SELENOI: variants seen among roughly 807,000 people sequenced by gnomAD.
SELENOI encodes selenoprotein I.
In SELENOI, 24 loss-of-function variants were observed where a neutral mutation model predicts 50.7. The observed-to-expected ratio is 0.47, with a 90% CI of 0.34 to 0.67. The LOEUF (loss-of-function observed/expected upper bound fraction) is 0.67. Among genes scored for constraint, SELENOI ranks in the 30% least tolerant of loss-of-function variants. The pLI is 0.01. For synonymous variants in SELENOI, 155 were observed against 170.2 expected, an observed-to-expected ratio of 0.91 and a Z score of 0.70; for missense variants, 352 against 461.4, an observed-to-expected ratio of 0.76 and a Z score of 2.17.
At position 26,386,545 on chromosome 2, in the gene SELENOI, T is replaced by C; in HGVS notation, c.1095+9T>C. 6.4e-7 allele frequency: 1 copy of C among 1,560,238 alleles called. No individual in the cohort carries two copies. Among genetic ancestry groups the C allele is most frequent in the Non-Finnish European group, 8.7e-7 (1 of 1,152,534 alleles). ...ATTATGGAGTACGAGTGGTGAGTAA[T>C]CTACAGCAAAATGGGTTCAATTTGG... On this transcript the variant is annotated intron_variant, in intron 9 of 9. Coordinates refer to ENST00000260585, the MANE Select transcript of SELENOI (RefSeq NM_033505.4).
chr2:26,364,217 T>C (rs1475879536), intron 1 of SELENOI, 85 bp from the exon 2 acceptor site: 1 of 1,000,450 alleles, frequency 1.0e-6, no homozygotes, highest in Non-Finnish European at 1.5e-6. Context: ...CGCCTGGCTT[T>C]ACTATTATTT....
chr2:26,352,856 A>AC (rs1273886173), intron 1 of SELENOI, among the ~76,000 whole-genome samples: 7 of 151,926 alleles, frequency 4.6e-5, no homozygotes, highest in South Asian at 2.1e-4. Flanking sequence ...AAAAAAAAAA[A>AC]AAACCAGAAT....
Position 26,386,372 on chromosome 2 carries a change from C to G in SELENOI, c.931C>G (p.Gln311Glu). 10 of 1,609,980 alleles carry G rather than the reference C, an allele frequency of 6.2e-6. No individual in the cohort carries two copies. Among genetic ancestry groups the G allele is most frequent in the Non-Finnish European group, 8.5e-6 (10 of 1,178,672 alleles). ...CGTCCAGTGTCAGCTGATTGTTTGC[C>G]AAATGAGTAGTACCCGGTGTCCAAC... Reference protein sequence around the residue: ...ANSTCQLIVCQMSSTRCPTLN... With the variant: ...ANSTCQLIVCEMSSTRCPTLN... Residue 311 changes from glutamine to glutamate, a missense_variant, in exon 9 of 10, where the codon CAA (glutamine) becomes GAA (glutamate). Coordinates refer to ENST00000260585, the MANE Select transcript of SELENOI (RefSeq NM_033505.4).
At position 26,391,029 on chromosome 2, in the gene SELENOI, T is replaced by C. The variant is rs1677953818; in HGVS notation, c.*1926T>C. 6.6e-6 allele frequency: 1 copy of C among 152,134 alleles called. No homozygotes were observed. The highest frequency in any genetic ancestry group is 2.4e-5 in the African/African-American group (1 of 41,416). 9.4% of individuals were successfully genotyped at this position (152,134 alleles called of 1,614,324 possible). A position where few individuals can be genotyped will look rare whatever the true frequency, so the allele number is the denominator to read the frequency against. ...AAAATGACAAACTTGGACCACAGGC[T>C]TTCTTGACCTTGTACAGTATAGTAA... On this transcript the variant is annotated 3_prime_UTR_variant, in exon 10 of 10. Transcript: ENST00000260585.
intron 4 of SELENOI, among the ~76,000 whole-genome samples, chr2:26,368,076 C>G (rs1677327998): frequency 6.6e-6 from 1 of 152,158 alleles, no homozygotes; most frequent in South Asian, 2.1e-4. Flanking sequence ...ATAGCAGACC[C>G]TGACTTCAAG....
In SELENOI at chr2:26,386,412, T is replaced by C; in HGVS notation, c.971T>C (p.Leu324Pro). Residue 324 changes from leucine (L) to proline (P), a missense_variant, in exon 9 of 10, where the codon CTG becomes CCG. Physicochemically the swap from Leu to Pro is moderately conservative, Grantham distance 98. Coordinates refer to ENST00000260585, the MANE Select transcript of SELENOI (RefSeq NM_033505.4). ...CGGTGTCCAACTTTGAATTGGTTGC[T>C]GGTTCCTCTCTTCTTGGTTGTCTTA... ...STRCPTLNWL[L>P]VPLFLVVLVV... The C allele has an allele frequency of 1.2e-6, 2 of 1,614,028 alleles. No individual in the cohort carries two copies. The highest frequency in any genetic ancestry group is 1.7e-6 in the Non-Finnish European group (2 of 1,179,890).
At position 26,364,857 on chromosome 2, in the gene SELENOI, A is replaced by C; in HGVS notation, c.152A>C (p.Asn51Thr). Reference protein sequence around the residue: ...VKVFPTWLAPNLITFSGFLLV... With the variant: ...VKVFPTWLAPTLITFSGFLLV... ...GTATTTCCTACTTGGCTGGCGCCCAATCTGATAACTTTTTCTGGCTTTCTG... is the reference window on the plus strand; with the variant it reads ...GTATTTCCTACTTGGCTGGCGCCCACTCTGATAACTTTTTCTGGCTTTCTG... The change falls in exon 3 of 10, where the codon AAT becomes ACT. Residue 51 changes from asparagine (N) to threonine (T), a missense_variant. Coordinates refer to ENST00000260585, the MANE Select transcript of SELENOI (RefSeq NM_033505.4). The C allele has an allele frequency of 6.2e-7, 1 of 1,609,930 alleles. No homozygotes were observed. Among genetic ancestry groups the C allele is most frequent in the Non-Finnish European group, 8.5e-7 (1 of 1,178,340 alleles).
chr2:26,380,248 TA>T (rs1677657629), intron 6 of SELENOI, among the ~76,000 whole-genome samples: 1 of 152,190 alleles, frequency 6.6e-6, no homozygotes, highest in African/African-American at 2.4e-5. Context: ...TCCTCAGAGG[TA>T]ACCATTCTTA....
intron 1 of SELENOI, among the ~76,000 whole-genome samples, chr2:26,364,023 G>A (rs1677234569): frequency 6.6e-6 from 1 of 151,466 alleles, no homozygotes; most frequent in Admixed American, 6.6e-5. Context: ...GATTATAGGT[G>A]TGAGCCACCA....
At chr2:26,375,524 TA>T (rs1343402389) in intron 6 of SELENOI, among the ~76,000 whole-genome samples, 1 of 152,234 alleles carries the variant, frequency 6.6e-6, no homozygotes, top group East Asian at 1.9e-4. Flanking sequence ...ATGTAGAGAT[TA>T]TTTTATAATG....
intron 7 of SELENOI, 112 bp from the exon 8 acceptor site, chr2:26,384,847 T>G (rs1375860239): frequency 1.4e-6 from 1 of 692,646 alleles, no homozygotes; most frequent in East Asian, 3.0e-5. Context: ...TGCCACAAGA[T>G]TATTGTGAGT....
intron 4 of SELENOI, among the ~76,000 whole-genome samples, chr2:26,370,443 A>G (rs1677392482): frequency 6.7e-6 from 1 of 150,102 alleles, no homozygotes; most frequent in Non-Finnish European, 1.5e-5. Context: ...GGCTGGGCAG[A>G]GGCACCCCTC....
Position 26,383,823 on chromosome 2 carries a change from G to A in SELENOI, c.731+476G>A, listed in dbSNP as rs565045633. Reference sequence around the variant, plus strand: ...TGGGAGGCGGAGGTTGCAGTGAGTCGAGATCGCGCCACTGCACTCCAGCCT... The same window carrying A: ...TGGGAGGCGGAGGTTGCAGTGAGTCAAGATCGCGCCACTGCACTCCAGCCT... On this transcript the variant is annotated intron_variant, in intron 7 of 9. Coordinates refer to ENST00000260585, the MANE Select transcript of SELENOI (RefSeq NM_033505.4). 3.7e-4 allele frequency among the ~76,000 whole-genome samples: 56 copies of A among 152,158 alleles called. 1 individual carries two copies. Among genetic ancestry groups the A allele is most frequent in the African/African-American group, 1.3e-3 (54 of 41,512 alleles).
chr2:26,370,452 T>C (rs1677392842), intron 4 of SELENOI, among the ~76,000 whole-genome samples: 1 of 149,462 alleles, frequency 6.7e-6, no homozygotes, highest in Admixed American at 6.6e-5. Flanking sequence ...GAGGCACCCC[T>C]CACCTCCCGG....
chr2:26,356,380 A>G (rs1038343200), intron 1 of SELENOI, among the ~76,000 whole-genome samples: 3 of 152,198 alleles, frequency 2.0e-5, no homozygotes, highest in African/African-American at 7.2e-5. Flanking sequence ...TAAGTTGTCC[A>G]GAGCTCAGTA....
At chr2:26,370,715 G>C (rs1466259583) in intron 4 of SELENOI, among the ~76,000 whole-genome samples, 2 of 141,594 alleles carry the variant, frequency 1.4e-5, no homozygotes, top group African/African-American at 5.2e-5. Flanking sequence ...TCACCTCCCG[G>C]ACGGGGCGGC....
intron 1 of SELENOI, among the ~76,000 whole-genome samples, chr2:26,354,510 C>A (rs1362084038): frequency 1.3e-5 from 2 of 152,122 alleles, no homozygotes; most frequent in Non-Finnish European, 2.9e-5. Context: ...CTTCAGCCTC[C>A]CGATTAGCTG....
chr2:26,370,455 C>T (rs1224445230), intron 4 of SELENOI, among the ~76,000 whole-genome samples: 2 of 151,714 alleles, frequency 1.3e-5, no homozygotes, highest in Non-Finnish European at 2.9e-5. Flanking sequence ...GCACCCCTCA[C>T]CTCCCGGACG....
At chr2:26,346,890 A>G (rs1676790471) in intron 1 of SELENOI, 1 of 152,278 alleles carries the variant, frequency 6.6e-6, no homozygotes. Context: ...TACAAAAGTC[A>G]GATTTCTTTA....
Sources: gnomAD v4.1 joint callset for allele counts (sites outside exome capture counted in the v4.1 genomes callset) on GRCh38, gnomAD v4.1.1 for gene constraint, MANE v1.5 for transcripts, NCBI Gene and HGNC (gene_info 2026-07-23, HGNC 2026-07-21) for gene names.